Variants in UTRN observed in about 807,000 individuals in gnomAD.
UTRN encodes utrophin.
UTRN carries 283 observed loss-of-function variants against 463.9 expected under a neutral mutation model. The observed-to-expected ratio is 0.61, with a 90% CI of 0.55 to 0.67. The LOEUF (loss-of-function observed/expected upper bound fraction) is 0.67, where lower values mean the gene tolerates loss of function less well. Ranked by LOEUF, UTRN falls within the 30% of genes least tolerant of loss-of-function variation. The pLI is 0.00. For synonymous variants in UTRN, 1,442 were observed against 1,431.5 expected (o/e 1.01, Z -0.17); for missense variants, 3,922 against 4,084.3 (o/e 0.96, Z 1.08).
chr6:144,768,794 C>T (rs1434599591), intron 58 of UTRN, among the ~76,000 whole-genome samples: 2 of 151,940 alleles, frequency 1.3e-5, no homozygotes, highest in East Asian at 3.9e-4. Flanking sequence ...TGCAGGATAC[C>T]CACTCATTTT....
At chr6:144,399,282 A>T (rs1038429879) in intron 2 of UTRN, among the ~76,000 whole-genome samples, 3 of 152,210 alleles carry the variant, frequency 2.0e-5, no homozygotes, top group Non-Finnish European at 4.4e-5. Flanking sequence ...GGGTGTGATG[A>T]AACAAGAGAG....
Position 144,730,413 on chromosome 6 carries a change from G to A in UTRN, c.7866G>A (p.Gln2622=), listed in dbSNP as rs1182922441. 5 of 1,612,164 alleles carry A rather than the reference G, an allele frequency of 3.1e-6. No individual in the cohort carries two copies. Among genetic ancestry groups the A allele is most frequent in the Non-Finnish European group, 2.5e-6 (3 of 1,179,014 alleles). ...KEYSVLNAVD[Q]ARVFLADQPI... ...ATTCTGTCCTGAATGCTGTCGACCA[G>A]GCCCGAGTTTTCTTGGCTGATCAGC... Residue 2622 remains glutamine, a synonymous_variant, in exon 54 of 75, where the codon CAG becomes CAA. Transcript: ENST00000367545.
intron 54 of UTRN, among the ~76,000 whole-genome samples, chr6:144,747,244 A>G (rs1330878761): frequency 6.6e-6 from 1 of 152,214 alleles, no homozygotes. Context: ...ATTAATGTAC[A>G]GTTTATGTCA....
chr6:144,798,230 A>AT (rs1270453083), intron 64 of UTRN, among the ~76,000 whole-genome samples: 1 of 152,136 alleles, frequency 6.6e-6, no homozygotes, highest in African/African-American at 2.4e-5. Context: ...AGAACCAGAG[A>AT]TTTTTATGAA....
At chr6:144,590,841 T>G (rs1040750439) in intron 51 of UTRN, among the ~76,000 whole-genome samples, 20 of 94,162 alleles carry the variant, frequency 2.1e-4, no homozygotes, top group African/African-American at 6.6e-4. Context: ...TCTCTCTCAA[T>G]CTACACACAC....
At chr6:144,735,675 T>C (rs1472087748) in intron 54 of UTRN, among the ~76,000 whole-genome samples, 1 of 152,168 alleles carries the variant, frequency 6.6e-6, no homozygotes, top group Non-Finnish European at 1.5e-5. Context: ...CTTTCTTCCC[T>C]AGGACTTTGC....
At chr6:144,689,142 T>G (rs1219752751) in intron 52 of UTRN, among the ~76,000 whole-genome samples, 1 of 152,196 alleles carries the variant, frequency 6.6e-6, no homozygotes, top group Non-Finnish European at 1.5e-5. Flanking sequence ...GGACTGTGAC[T>G]CTACCCCTCA....
rs1790978602 is a variant in UTRN, at chr6:144,748,267, C to G, written c.7961C>G (p.Ala2654Gly). The G allele has an allele frequency of 1.9e-6, 3 of 1,611,528 alleles. No individual in the cohort carries two copies. Reference protein sequence around the residue: ...SKTELTPEERAQKIAKAMRKQ... With the variant: ...SKTELTPEERGQKIAKAMRKQ... ...ACAGAATTAACTCCTGAGGAGAGAG[C>G]CCAAAAGATTGCCAAAGCCATGCGC... The change falls in exon 55 of 75, where the codon GCC (alanine) becomes GGC (glycine). Residue 2654 changes from alanine to glycine, a missense_variant. Physicochemically the swap from Ala to Gly is moderately conservative, Grantham distance 60. Around this residue, in one of 3 missense-constraint regions of UTRN, gnomAD observed 1,309 missense variants for 1,452.6 expected, o/e 0.90. Coordinates refer to ENST00000367545, the MANE Select transcript of UTRN (RefSeq NM_007124.3).
chr6:144,727,554 C>T (rs189142862), intron 53 of UTRN, among the ~76,000 whole-genome samples: 4 of 151,934 alleles, frequency 2.6e-5, no homozygotes, highest in African/African-American at 4.8e-5. Flanking sequence ...GTCAGGAGAT[C>T]GAGACCATCC....
chr6:144,824,303 T>G (rs968518645), intron 66 of UTRN, among the ~76,000 whole-genome samples: 1 of 151,370 alleles, frequency 6.6e-6, no homozygotes, highest in East Asian at 1.9e-4. Flanking sequence ...GCAAATGGAT[T>G]GAAGAAGGCA....
intron 65 of UTRN, among the ~76,000 whole-genome samples, chr6:144,819,877 G>A (rs959851490): frequency 5.5e-5 from 7 of 127,192 alleles, no homozygotes; most frequent in African/African-American, 9.8e-5. Context: ...CTCCTCCGCC[G>A]CCTCCTCCTC....
At chr6:144,608,851 A>G (rs1805164993) in intron 51 of UTRN, among the ~76,000 whole-genome samples, 1 of 152,190 alleles carries the variant, frequency 6.6e-6, no homozygotes, top group South Asian at 2.1e-4. Flanking sequence ...GGTATCTGCA[A>G]CTTTTATACT....
rs1052604852 is a variant in UTRN at position 144,416,524 on chromosome 6, T to C, written c.142-5354T>C. Among the ~76,000 whole-genome samples, 3 of 152,152 alleles carry C rather than the reference T, an allele frequency of 2.0e-5. No individual in the cohort carries two copies. In the South Asian group the frequency reaches 6.2e-4, roughly 32 times the overall value. ...GACCCCCCTGGCTTCTCCCCTTGCA[T>C]TGTGCTGACCGTTCGCCTTTGTGCT... is the stretch of plus-strand genomic sequence containing the variant. On this transcript the variant is annotated intron_variant, in intron 3 of 74. Coordinates refer to ENST00000367545, the MANE Select transcript of UTRN (RefSeq NM_007124.3).
At chr6:144,526,271 A>G (rs1796563073) in intron 41 of UTRN, among the ~76,000 whole-genome samples, 1 of 152,186 alleles carries the variant, frequency 6.6e-6, no homozygotes, top group Admixed American at 6.5e-5. Context: ...GTCTAGTGCT[A>G]TCAGTGGAGT....
chr6:144,542,834 C>G lies in UTRN; in HGVS notation c.6559C>G (p.Gln2187Glu). 1 of 1,613,690 alleles carries G rather than the reference C, an allele frequency of 6.2e-7. No homozygotes were observed. The highest frequency in any genetic ancestry group is 8.5e-7 in the Non-Finnish European group (1 of 1,179,856). ...GCCTACCACCCTGAAGGAATGCATCCAGGAGCCCAGTTCTGTTTCACAGAC... is the reference window on the plus strand; with the variant it reads ...GCCTACCACCCTGAAGGAATGCATCGAGGAGCCCAGTTCTGTTTCACAGAC... The part of the protein sequence containing the change: ...EVPTTLKECI[Q>E]EPSSVSQTRI... Residue 2187 changes from glutamine to glutamate, a missense_variant, in exon 46 of 75, where the codon CAG becomes GAG. By Grantham distance (29) the Gln-to-Glu change is conservative (BLOSUM62 2). This residue lies in a region of UTRN where 2,349 missense variants were observed against 2,303.8 expected (regional missense o/e 1.02). Transcript: ENST00000367545.
At chr6:144,724,009 C>CAAAAAA (rs59598919) in intron 53 of UTRN, among the ~76,000 whole-genome samples, 6 of 58,718 alleles carry the variant, frequency 1.0e-4, no homozygotes, top group African/African-American at 2.2e-4. Context: ...GACTCCATCT[C>CAAAAAA]AAAAAAAAAA....
chr6:144,748,806 T>G (rs1391886167), intron 55 of UTRN, among the ~76,000 whole-genome samples: 1 of 152,230 alleles, frequency 6.6e-6, no homozygotes, highest in Non-Finnish European at 1.5e-5. Flanking sequence ...GGTTTACCTA[T>G]TTTTAAAAAA....
At chr6:144,400,867 C>T (rs9496955) in intron 2 of UTRN, among the ~76,000 whole-genome samples, 21,295 of 152,028 alleles carry the variant, frequency 0.14, 4,267 homozygotes, top group African/African-American at 0.44. Flanking sequence ...TATTATCTTA[C>T]TCATTTTTAC....
intron 27 of UTRN, 111 bp from the exon 28 acceptor site, chr6:144,485,274 A>G (rs1792319060): frequency 1.4e-6 from 2 of 1,443,206 alleles, no homozygotes; most frequent in Non-Finnish European, 1.9e-6. Context: ...CTGAATTCCT[A>G]GGTATACTCA....
Sources: gnomAD v4.1 joint callset for allele counts (sites outside exome capture counted in the v4.1 genomes callset) on GRCh38, gnomAD v4.1.1 for gene constraint, gnomAD v4.1.1 regional missense constraint, MANE v1.5 for transcripts, NCBI Gene and HGNC (gene_info 2026-07-23, HGNC 2026-07-21) for gene names.